The following MROH1 variants were observed in gnomAD, a reference collection of about 807,000 sequenced individuals.
MROH1 encodes the protein maestro heat-like repeat-containing protein family member 1.
MROH1 carries 117 observed loss-of-function variants against 116.5 expected under a neutral mutation model. The observed-to-expected ratio is 1.00, with a 90% CI of 0.86 to 1.17. The LOEUF (loss-of-function observed/expected upper bound fraction) is 1.17, where lower values mean the gene tolerates loss of function less well. MROH1 is among the 50% of genes most tolerant of loss of function. The pLI, the probability that MROH1 is intolerant of heterozygous loss-of-function variation, is 0.00. For synonymous variants in MROH1, 921 were observed against 583.9 expected, an observed-to-expected ratio of 1.58 and a Z score of -8.32; for missense variants, 1,873 against 1,338.5, an observed-to-expected ratio of 1.40 and a Z score of -6.23.
intron 1 of MROH1, among the ~76,000 whole-genome samples, chr8:144,154,189 C>T (rs1000621099): frequency 1.6e-3 from 241 of 152,190 alleles, no homozygotes; most frequent in Admixed American, 3.4e-3. Flanking sequence ...CTCAGCCTTC[C>T]GAGTAGCTGG....
intron 14 of MROH1, among the ~76,000 whole-genome samples, chr8:144,232,133 A>G (rs782233779): frequency 6.6e-6 from 1 of 152,160 alleles, no homozygotes; most frequent in Non-Finnish European, 1.5e-5. Context: ...CTACTGATCT[A>G]TAGGATACTA....
intron 1 of MROH1, among the ~76,000 whole-genome samples, chr8:144,156,534 C>T (rs1487633919): frequency 6.6e-6 from 1 of 151,556 alleles, no homozygotes; most frequent in African/African-American, 2.4e-5. Flanking sequence ...TGGTGAAACA[C>T]CATCTCTCCT....
intron 12 of MROH1, among the ~76,000 whole-genome samples, chr8:144,219,016 T>G (rs192986359): frequency 0.01 from 1,513 of 144,252 alleles, 24 homozygotes; most frequent in African/African-American, 0.036. Flanking sequence ...TGTGTTTTTT[T>G]TTGTTGTTGT....
At chr8:144,195,195 T>TAAAA (rs561902621) in intron 10 of MROH1, among the ~76,000 whole-genome samples, 2,481 of 11,662 alleles carry the variant, frequency 0.21, 838 homozygotes, top group Non-Finnish European at 0.3. Flanking sequence ...ACTGTGTCTT[T>TAAAA]AAAAAAAAAA....
chr8:144,185,211 C>A (rs1313889505), intron 7 of MROH1, among the ~76,000 whole-genome samples: 1 of 152,180 alleles, frequency 6.6e-6, no homozygotes, highest in African/African-American at 2.4e-5. Flanking sequence ...CTGACCCTCC[C>A]TGGCCTCTGT....
intron 12 of MROH1, among the ~76,000 whole-genome samples, chr8:144,202,130 T>C (rs888437116): frequency 1.3e-5 from 2 of 152,100 alleles, no homozygotes; most frequent in African/African-American, 4.8e-5. Context: ...TCAGGACACC[T>C]TCAGCGGCCC....
chr8:144,178,800 C>T (rs954715710), intron 4 of MROH1, among the ~76,000 whole-genome samples: 4 of 152,124 alleles, frequency 2.6e-5, no homozygotes, highest in Admixed American at 6.5e-5. Flanking sequence ...TGTGCCCCCG[C>T]GGGTCCCAGC....
intron 8 of MROH1, 94 bp downstream of exon 8, chr8:144,191,029 T>C: frequency 7.0e-7 from 1 of 1,431,218 alleles, no homozygotes; most frequent in South Asian, 1.4e-5. Flanking sequence ...AGGGTGGTGG[T>C]GTTGCATTGG....
intron 4 of MROH1, among the ~76,000 whole-genome samples, chr8:144,172,401 CT>C (rs374363403): frequency 2.0e-3 from 287 of 146,762 alleles, no homozygotes; most frequent in African/African-American, 5.3e-3. Flanking sequence ...CAACATTTAA[CT>C]TTTTTTTTTT....
intron 35 of MROH1, among the ~76,000 whole-genome samples, chr8:144,258,145 C>A (rs962091152): frequency 7.9e-5 from 12 of 152,248 alleles, no homozygotes; most frequent in Non-Finnish European, 1.5e-4. Context: ...GTTTCTGGCC[C>A]AGCCACTGCC....
chr8:144,220,322 T>A (rs1836437860), intron 12 of MROH1, among the ~76,000 whole-genome samples: 1 of 152,182 alleles, frequency 6.6e-6, no homozygotes, highest in Admixed American at 6.6e-5. Context: ...CTGAAGGAAC[T>A]TCCCCGGCGT....
Position 144,260,345 on chromosome 8 carries a change from GC to G in MROH1, c.4353del (p.Ile1452SerfsTer106), listed in dbSNP as rs1157091584. On this transcript the variant is annotated frameshift_variant, in exon 39 of 44. Transcript: ENST00000326134. LOFTEE classifies it high-confidence loss of function. The stretch of plus-strand genomic sequence containing the variant: ...CCTGCGCTCAGGGCTGCTGCACGTG[GC>G]CATCCGCATCCGGCCTTTCTTCGAC... ...WDLRSGLLHVAIRIRPFFDSE... is the reference protein window; with the variant it reads ...WDLRSGLLHVXIRIRPFFDSE... The G allele has an allele frequency of 1.4e-6, 1 of 732,432 alleles. No individual in the cohort carries two copies. Among genetic ancestry groups the G allele is most frequent in the Non-Finnish European group, 2.5e-6 (1 of 399,920 alleles). 45.4% of individuals were successfully genotyped at this position (732,432 alleles called of 1,614,324 possible).
chr8:144,218,695 CTCCCCTCTCCCCTCCTG>C (rs1835883180), intron 12 of MROH1, among the ~76,000 whole-genome samples: 1 of 91,482 alleles, frequency 1.1e-5, no homozygotes, highest in Admixed American at 1.1e-4. Flanking sequence ...CCCCTCTCTC[CTCCCCTCTCCCCTCCTG>C]TCCCCCCTCC....
intron 7 of MROH1, among the ~76,000 whole-genome samples, chr8:144,187,240 T>G (rs1313267266): frequency 2.6e-5 from 4 of 152,028 alleles, no homozygotes; most frequent in Non-Finnish European, 5.9e-5. Context: ...GTGAGACCTC[T>G]GTTTCTAAAA....
chr8:144,168,575 T>C, intron 4 of MROH1, 135 bp downstream of exon 4: 1 of 1,015,756 alleles, frequency 9.8e-7, no homozygotes. Flanking sequence ...TCTAACCCCC[T>C]CCACACGTGC....
At chr8:144,243,638 C>G (rs1841392422) in intron 25 of MROH1, 22 bp downstream of exon 25, 2 of 776,870 alleles carry the variant, frequency 2.6e-6, no homozygotes, top group African/African-American at 3.4e-5. Context: ...CGTGGCCTGG[C>G]AGGTCCTCAG....
At chr8:144,258,752 G>C in intron 35 of MROH1, 25 bp from the exon 36 acceptor site, 1 of 758,004 alleles carries the variant, frequency 1.3e-6, no homozygotes. Flanking sequence ...TGCCCTACCA[G>C]CTGAGCACCC....
rs1289651853 is a variant in MROH1, at chr8:144,175,543, C to T, written c.169-3912C>T. Reference sequence around the variant, plus strand: ...CGGCAGTTAATCCACCCACTTAGAGCCTCAGCTCTGCGACGTCCCAGGTGG... The same window carrying T: ...CGGCAGTTAATCCACCCACTTAGAGTCTCAGCTCTGCGACGTCCCAGGTGG... On this transcript the variant is annotated intron_variant, in intron 4 of 43. Coordinates refer to ENST00000326134, the MANE Select transcript of MROH1 (RefSeq NM_032450.3). 3.0e-6 allele frequency: 3 copies of T among 985,332 alleles called. No individual in the cohort carries two copies. In the African/African-American group the frequency reaches 5.2e-5, roughly 17 times the overall value. The allele number at this position is 985,332 out of a possible 1,614,324, so 61.0% of individuals were successfully genotyped here.
intron 11 of MROH1, among the ~76,000 whole-genome samples, chr8:144,199,433 A>G (rs1394362481): frequency 6.6e-6 from 1 of 152,100 alleles, no homozygotes; most frequent in East Asian, 1.9e-4. Context: ...GACCTGCCCA[A>G]ATCCTTGGGG....
Sources: allele counts gnomAD v4.1 joint callset (sites outside exome capture counted in the v4.1 genomes callset), GRCh38; gene constraint gnomAD v4.1.1; transcripts MANE v1.5; gene names NCBI Gene and HGNC (gene_info 2026-07-23, HGNC 2026-07-21).